The following DHCR24 variants were observed in gnomAD, a reference collection of about 807,000 sequenced individuals.
DHCR24 encodes the protein 24-dehydrocholesterol reductase, also known as delta(24)-sterol reductase.
In DHCR24, 28 loss-of-function variants were observed where a neutral mutation model predicts 61.2. The ratio of observed to expected loss-of-function variants is 0.46; its 90% CI spans 0.34 to 0.63. The LOEUF is 0.63. Ranked by LOEUF, DHCR24 falls within the 20% of genes least tolerant of loss-of-function variation. The probability of loss-of-function intolerance (pLI) is 0.01; values close to 1 mark genes in which losing one functional copy is unlikely to be tolerated. For synonymous variants in DHCR24, 261 were observed against 275.9 expected, an observed-to-expected ratio of 0.95 and a Z score of 0.54; for missense variants, 538 against 679.1, an observed-to-expected ratio of 0.79 and a Z score of 2.31.
chr1:54,859,259 C>T (rs1372587576), intron 6 of DHCR24, among the ~76,000 whole-genome samples: 1 of 151,998 alleles, frequency 6.6e-6, no homozygotes. Context: ...CCCAGTCAAG[C>T]CTCCAGATGA....
chr1:54,862,232 C>T (rs1233746054), intron 6 of DHCR24, among the ~76,000 whole-genome samples: 3 of 152,170 alleles, frequency 2.0e-5, no homozygotes, highest in Non-Finnish European at 4.4e-5. Flanking sequence ...GCCCCACACC[C>T]GCCTCCAGCC....
rs527517367 is a variant in DHCR24, at chr1:54,883,338, G to A, written c.387+280C>T. Among the ~76,000 whole-genome samples the A allele has an allele frequency of 6.6e-6, 1 of 152,278 alleles. No homozygotes were observed. Among genetic ancestry groups the A allele is most frequent in the African/African-American group, 2.4e-5 (1 of 41,562 alleles). On this transcript the variant is annotated intron_variant, in intron 2 of 8. Coordinates refer to ENST00000371269, the MANE Select transcript of DHCR24 (RefSeq NM_014762.4). The surrounding 1 kb of genome is among the most constrained non-coding windows in gnomAD (Gnocchi z 4.3). ...CCAGCACACTTCCTTATCAGGAAGG[G>A]GTAAGTAGATTCCTTTTTGCCTCTC...
At chr1:54,880,734 C>T (rs761444294) in intron 2 of DHCR24, among the ~76,000 whole-genome samples, 14 of 151,912 alleles carry the variant, frequency 9.2e-5, no homozygotes, top group Non-Finnish European at 1.9e-4. Flanking sequence ...CACTGCACTC[C>T]AGCCGGGGCC....
intron 2 of DHCR24, among the ~76,000 whole-genome samples, chr1:54,877,748 C>T (rs1428166605): frequency 3.3e-5 from 5 of 151,812 alleles, no homozygotes; most frequent in African/African-American, 9.7e-5. Flanking sequence ...TGGTGGCTCA[C>T]GCCTGTAATC....
rs764798976 is a variant in DHCR24 at position 54,871,566 on chromosome 1, C to T, written c.660G>A (p.Thr220=). ...LFYAVPWSCG[T]LGFLVAAEIR... is the part of the protein sequence containing the mutation. ...TCTCAGCGGCCACCAGGAAACCCAG[C>T]GTCCCACAGGACCAGGGTACGGCAT... Residue 220 remains threonine, a synonymous_variant, in exon 5 of 9, where the codon ACG becomes ACA. Transcript: ENST00000371269. 9 of 1,614,060 alleles carry T rather than the reference C, an allele frequency of 5.6e-6. No individual in the cohort carries two copies. The highest frequency in any genetic ancestry group is 2.2e-5 in the South Asian group (2 of 91,084).
chr1:54,858,015 C>T (rs550914651), intron 6 of DHCR24, among the ~76,000 whole-genome samples: 1 of 152,134 alleles, frequency 6.6e-6, no homozygotes, highest in East Asian at 1.9e-4. Flanking sequence ...GGGGAAAGGC[C>T]GCCAATGGGA....
intron 4 of DHCR24, 111 bp from the exon 5 acceptor site, chr1:54,871,724 T>C: frequency 6.9e-7 from 1 of 1,443,484 alleles, no homozygotes; most frequent in Non-Finnish European, 9.6e-7. Flanking sequence ...CACTCTCTTG[T>C]ATAAACCCAA....
Position 54,873,364 on chromosome 1 carries a change from T to C in DHCR24, c.612+1729A>G, listed in dbSNP as rs530422536. ...ACATATAATTATGTACACTACATAATACTTGATAATGATAAATGACTCTGT... is the reference window on the plus strand; with the variant it reads ...ACATATAATTATGTACACTACATAACACTTGATAATGATAAATGACTCTGT... On this transcript the variant is annotated intron_variant, in intron 4 of 8. Transcript: ENST00000371269. 8.5e-5 allele frequency among the ~76,000 whole-genome samples: 13 copies of C among 152,380 alleles called. No homozygotes were observed. In the South Asian group the frequency reaches 2.3e-3, roughly 27 times the overall value.
intron 6 of DHCR24, among the ~76,000 whole-genome samples, chr1:54,862,415 C>T (rs772591905): frequency 2.4e-4 from 37 of 152,178 alleles, no homozygotes; most frequent in Non-Finnish European, 4.1e-4. Flanking sequence ...CTGTCTTCAT[C>T]TCCTTCAGCA....
At chr1:54,880,700 G>A (rs1647059212) in intron 2 of DHCR24, among the ~76,000 whole-genome samples, 1 of 152,108 alleles carries the variant, frequency 6.6e-6, no homozygotes, top group Non-Finnish European at 1.5e-5. Context: ...GGGAGATGGA[G>A]GTTGCCGAGA....
chr1:54,860,999 A>G (rs1318772445), intron 6 of DHCR24, among the ~76,000 whole-genome samples: 2 of 151,114 alleles, frequency 1.3e-5, no homozygotes, highest in African/African-American at 4.8e-5. Flanking sequence ...AAAAAGAAAA[A>G]AAAAAAAAAA....
At chr1:54,857,753 A>G (rs1272205004) in intron 6 of DHCR24, among the ~76,000 whole-genome samples, 1 of 152,226 alleles carries the variant, frequency 6.6e-6, no homozygotes, top group African/African-American at 2.4e-5. Context: ...AAAAAGCTTT[A>G]TATTTAGTAC....
At chr1:54,878,343 T>TAA (rs34599871) in intron 2 of DHCR24, among the ~76,000 whole-genome samples, 14 of 146,948 alleles carry the variant, frequency 9.5e-5, no homozygotes, top group Admixed American at 3.4e-4. Context: ...CCGCCTCTGC[T>TAA]AAAAAAAAAA....
chr1:54,858,955 A>G (rs537069356), intron 6 of DHCR24, among the ~76,000 whole-genome samples: 1 of 152,244 alleles, frequency 6.6e-6, no homozygotes, highest in Non-Finnish European at 1.5e-5. Flanking sequence ...GTTTTAACAT[A>G]TGCCCCTAGA....
chr1:54,869,791 C>T (rs906012500), intron 5 of DHCR24, among the ~76,000 whole-genome samples: 2 of 152,210 alleles, frequency 1.3e-5, no homozygotes, highest in South Asian at 2.1e-4. Context: ...GTGGCTCGCA[C>T]CTGTAATCCC....
At chr1:54,859,009 C>T (rs1183949715) in intron 6 of DHCR24, among the ~76,000 whole-genome samples, 2 of 152,142 alleles carry the variant, frequency 1.3e-5, no homozygotes, top group East Asian at 3.9e-4. Flanking sequence ...CAGTGCCCCT[C>T]CCCTGAGTAT....
intron 6 of DHCR24, among the ~76,000 whole-genome samples, chr1:54,863,155 G>C (rs1339601744): frequency 6.7e-6 from 1 of 149,872 alleles, no homozygotes; most frequent in African/African-American, 2.5e-5. Context: ...AATCTGTCTG[G>C]AAATCCTGCT....
intron 6 of DHCR24, among the ~76,000 whole-genome samples, chr1:54,858,539 C>T (rs1456689046): frequency 6.6e-6 from 1 of 152,242 alleles, no homozygotes; most frequent in Non-Finnish European, 1.5e-5. Context: ...CTTCTTTTAC[C>T]TGAAGGCAGT....
At chr1:54,880,461 TA>T (rs1346163623) in intron 2 of DHCR24, among the ~76,000 whole-genome samples, 1 of 152,164 alleles carries the variant, frequency 6.6e-6, no homozygotes, top group East Asian at 1.9e-4. Flanking sequence ...ATTTCCTAAA[TA>T]AAATATCAAA....
Sources: gnomAD v4.1 joint callset for allele counts (sites outside exome capture counted in the v4.1 genomes callset) on GRCh38, gnomAD v4.1.1 for gene constraint, Gnocchi (gnomAD v3.1) non-coding constraint, MANE v1.5 for transcripts, NCBI Gene and HGNC (gene_info 2026-07-23, HGNC 2026-07-21) for gene names.